NRXN3: variants seen among roughly 807,000 people sequenced by gnomAD.
The protein encoded by NRXN3 is neurexin 3.
In NRXN3, 32 loss-of-function variants were observed where a neutral mutation model predicts 137.6. The ratio of observed to expected loss-of-function variants is 0.23; its 90% CI spans 0.18 to 0.31. The LOEUF is 0.31. Among genes scored for constraint, NRXN3 ranks in the 10% least tolerant of loss-of-function variants. The pLI, the probability that NRXN3 is intolerant of heterozygous loss-of-function variation, is 1.00. For missense variants in NRXN3, 1,574 were observed against 2,062.5 expected (o/e 0.76, Z 4.59); for synonymous variants, 798 against 784.5 (o/e 1.02, Z -0.29).
At chr14:79,026,235 A>G (rs1458484765) in intron 15 of NRXN3, among the ~76,000 whole-genome samples, 1 of 152,158 alleles carries the variant, frequency 6.6e-6, no homozygotes, top group Non-Finnish European at 1.5e-5. Flanking sequence ...TGGGAAAGAT[A>G]TTAGAGTGAA....
chr14:78,873,235 C>G (rs926257368), intron 10 of NRXN3, among the ~76,000 whole-genome samples: 1 of 152,162 alleles, frequency 6.6e-6, no homozygotes, highest in Non-Finnish European at 1.5e-5. Context: ...TTTCATCTTC[C>G]AAATCTTGTT....
At chr14:79,389,929 C>T (rs1248355946) in intron 15 of NRXN3, among the ~76,000 whole-genome samples, 1 of 152,170 alleles carries the variant, frequency 6.6e-6, no homozygotes, top group Non-Finnish European at 1.5e-5. Context: ...ATTTGATTTA[C>T]ATTTGCTAAC....
At chr14:78,174,457 A>G (rs1000766546) in intron 1 of NRXN3, among the ~76,000 whole-genome samples, 1 of 151,998 alleles carries the variant, frequency 6.6e-6, no homozygotes, top group South Asian at 2.1e-4. Flanking sequence ...TCCTCTCTAC[A>G]GATGATTCTG....
intron 10 of NRXN3, among the ~76,000 whole-genome samples, chr14:78,938,999 C>T (rs112765862): frequency 0.019 from 2,911 of 151,776 alleles, 90 homozygotes; most frequent in African/African-American, 0.067. Context: ...GCGCCCGCCA[C>T]CTCGCCCGGC....
At chr14:79,071,280 A>C (rs1227014486) in intron 15 of NRXN3, among the ~76,000 whole-genome samples, 1 of 152,070 alleles carries the variant, frequency 6.6e-6, no homozygotes, top group Non-Finnish European at 1.5e-5. Context: ...CATGTGCAGA[A>C]CATGCAGGTT....
Position 79,585,694 on chromosome 14 carries a change from CAA to C in NRXN3, c.3445-78071_3445-78070del, listed in dbSNP as rs76676582. ...GCGAGACTCCATCTTAAAAAAAAAA[CAA>C]AAAAAAAAAAAACCAACTTTGATAA... On this transcript the variant is annotated intron_variant, in intron 16 of 20. Coordinates refer to ENST00000335750, the MANE Select transcript of NRXN3 (RefSeq NM_001330195.2). Among the ~76,000 whole-genome samples the C allele has an allele frequency of 4.7e-3, 539 of 114,358 alleles. 19 individuals carry two copies. The highest frequency in any genetic ancestry group is 0.016 in the African/African-American group (502 of 31,780). The allele number at this position is 114,358 out of a possible 152,430, so 75.0% of individuals were successfully genotyped here. A position where few individuals can be genotyped will look rare whatever the true frequency, so the allele number is the denominator to read the frequency against.
At chr14:78,792,139 C>T (rs1479459365) in intron 8 of NRXN3, among the ~76,000 whole-genome samples, 1 of 149,280 alleles carries the variant, frequency 6.7e-6, no homozygotes, top group Admixed American at 6.8e-5. Context: ...GAGCTACATT[C>T]TATGGCTCAA....
chr14:78,497,300 G>A (rs1461558074), intron 4 of NRXN3, among the ~76,000 whole-genome samples: 1 of 152,062 alleles, frequency 6.6e-6, no homozygotes, highest in East Asian at 1.9e-4. Context: ...CATAATTGGT[G>A]GTTATGAAAT....
intron 4 of NRXN3, among the ~76,000 whole-genome samples, chr14:78,440,668 C>T (rs145483316): frequency 6.6e-6 from 1 of 152,138 alleles, no homozygotes; most frequent in East Asian, 1.9e-4. Context: ...CCTGTAGGCT[C>T]CCTGGGGCCG....
At chr14:78,219,526 C>A (rs189550455) in intron 1 of NRXN3, among the ~76,000 whole-genome samples, 294 of 152,294 alleles carry the variant, frequency 1.9e-3, no homozygotes, top group Non-Finnish European at 3.3e-3. Context: ...TTCATCTTGG[C>A]CCTGCCTCTT....
At chr14:79,620,011 A>G (rs1313198307) in intron 16 of NRXN3, among the ~76,000 whole-genome samples, 1 of 152,106 alleles carries the variant, frequency 6.6e-6, no homozygotes, top group Non-Finnish European at 1.5e-5. Context: ...TGTCTTAAAT[A>G]TTCATGGGAG....
chr14:79,298,941 GAGA>G (rs1370012945), intron 15 of NRXN3: 1 of 152,468 alleles, frequency 6.6e-6, no homozygotes, highest in African/African-American at 2.4e-5. Context: ...GAGTGGCTGG[GAGA>G]AGGCCAGGGG....
In NRXN3 at chr14:79,030,246, C is replaced by T. The variant is rs74727060; in HGVS notation, c.3262+42105C>T. Among the ~76,000 whole-genome samples, 75 of 152,008 alleles carry T rather than the reference C, an allele frequency of 4.9e-4. 1 individual carries two copies. The East Asian group carries it at 0.013, about 26-fold the overall frequency. On this transcript the variant is annotated intron_variant, in intron 15 of 20. Transcript: ENST00000335750. ...TAGATGCCAGTAGTAGCCCCCCCAACATAATTGTCACAATAAAAAAATCTC... is the reference window on the plus strand; with the variant it reads ...TAGATGCCAGTAGTAGCCCCCCCAATATAATTGTCACAATAAAAAAATCTC...
At chr14:79,375,535 G>A (rs944864310) in intron 15 of NRXN3, among the ~76,000 whole-genome samples, 4 of 151,954 alleles carry the variant, frequency 2.6e-5, no homozygotes, top group African/African-American at 7.3e-5. Context: ...TTTCCGCAGC[G>A]GGACGTGCAC....
chr14:78,412,825 T>G (rs578000327), intron 4 of NRXN3, among the ~76,000 whole-genome samples: 17 of 152,300 alleles, frequency 1.1e-4, no homozygotes, highest in African/African-American at 3.6e-4. Flanking sequence ...TTTCCTTTGT[T>G]GGCCATTACT....
At chr14:78,878,904 T>A (rs1352851502) in intron 10 of NRXN3, among the ~76,000 whole-genome samples, 3 of 152,098 alleles carry the variant, frequency 2.0e-5, no homozygotes, top group African/African-American at 7.2e-5. Context: ...TCTCTCCTGC[T>A]ATGAGTTTGT....
chr14:78,538,647 T>C (rs934122796), intron 4 of NRXN3, among the ~76,000 whole-genome samples: 2 of 150,372 alleles, frequency 1.3e-5, no homozygotes, highest in Non-Finnish European at 3.0e-5. Flanking sequence ...CTTCCAACAC[T>C]ATGTTGAATG....
rs376306532 is a variant in NRXN3 at position 78,433,945 on chromosome 14, GGTAAGTTGAAAATATT to G, written c.757+136100_757+136115del. ...CGAGGTGATGTCCTGACAAACCCAT[GGTAAGTTGAAAATATT>G]GTAAGTTGAAAATACATTTAATACA... On this transcript the variant is annotated intron_variant, in intron 4 of 20. Transcript: ENST00000335750. Among the ~76,000 whole-genome samples the G allele has an allele frequency of 3.8e-3, 576 of 152,180 alleles. 1 individual carries two copies. The highest frequency in any genetic ancestry group is 6.3e-3 in the Non-Finnish European group (426 of 67,996).
chr14:79,612,018 A>G (rs1306063563), intron 16 of NRXN3, among the ~76,000 whole-genome samples: 2 of 152,240 alleles, frequency 1.3e-5, no homozygotes, highest in Admixed American at 1.3e-4. Context: ...TGTGAAAAAT[A>G]TATAATATGC....
Sources: gnomAD v4.1 joint callset for allele counts (sites outside exome capture counted in the v4.1 genomes callset) on GRCh38, gnomAD v4.1.1 for gene constraint, MANE v1.5 for transcripts, NCBI Gene and HGNC (gene_info 2026-07-23, HGNC 2026-07-21) for gene names.